Variants in SCARA5 observed in about 807,000 individuals in gnomAD.
SCARA5 encodes scavenger receptor class A, member 5 (putative).
In SCARA5, 45 loss-of-function variants were observed where a neutral mutation model predicts 46.3. The ratio of observed to expected loss-of-function variants is 0.97; its 90% CI spans 0.76 to 1.24. The LOEUF is 1.24. Among genes scored for constraint, SCARA5 ranks in the 50% most tolerant of loss-of-function variants. The probability of loss-of-function intolerance (pLI) is 0.00; values close to 1 mark genes in which losing one functional copy is unlikely to be tolerated. For synonymous variants in SCARA5, 333 were observed against 306.5 expected (o/e 1.09, Z -0.90); for missense variants, 680 against 689.0 (o/e 0.99, Z 0.15).
Position 27,923,862 on chromosome 8 carries a change from T to G in SCARA5, c.242-1617A>C, listed in dbSNP as rs150946617. On this transcript the variant is annotated intron_variant, in intron 3 of 8. Transcript: ENST00000354914. ...TGTTGGGATTACAGGTGTGAGCCACTGCACCCGGCCCTACTTCTTCTTCTA... is the reference window on the plus strand; with the variant it reads ...TGTTGGGATTACAGGTGTGAGCCACGGCACCCGGCCCTACTTCTTCTTCTA... 2.4e-3 allele frequency among the ~76,000 whole-genome samples: 362 copies of G among 152,332 alleles called. 2 individuals carry two copies. The highest frequency in any genetic ancestry group is 8.4e-3 in the African/African-American group (349 of 41,578).
intron 2 of SCARA5, among the ~76,000 whole-genome samples, chr8:27,974,649 A>C (rs2727006): frequency 1.3e-5 from 2 of 151,766 alleles, no homozygotes; most frequent in African/African-American, 4.8e-5. Context: ...CTGACTTCAC[A>C]ATGGTTACTC....
rs59619242 is a variant in SCARA5 at position 27,889,912 on chromosome 8, T to A, written c.1154-10146A>T. Reference sequence around the variant, plus strand: ...TGATTCTACTTCCCGTGCACAGATATGCAGCACTAAAAATGCATTATCTGT... The same window carrying A: ...TGATTCTACTTCCCGTGCACAGATAAGCAGCACTAAAAATGCATTATCTGT... On this transcript the variant is annotated intron_variant, in intron 7 of 8. Transcript: ENST00000354914. 5.5e-3 allele frequency among the ~76,000 whole-genome samples: 844 copies of A among 152,342 alleles called. 7 individuals carry two copies. The highest frequency in any genetic ancestry group is 0.018 in the African/African-American group (740 of 41,566).
chr8:27,917,882 A>C (rs1470552577), intron 4 of SCARA5, among the ~76,000 whole-genome samples: 2 of 152,262 alleles, frequency 1.3e-5, no homozygotes, highest in African/African-American at 2.4e-5. Context: ...GTTTGGAAGA[A>C]GAAATTCTAC....
rs115190248 is a variant in SCARA5 at position 27,946,892 on chromosome 8, A to G, written c.241+19522T>C. On this transcript the variant is annotated intron_variant, in intron 3 of 8. Coordinates refer to ENST00000354914, the MANE Select transcript of SCARA5 (RefSeq NM_173833.6). The stretch of plus-strand genomic sequence containing the variant: ...GTTTTAGCAAACTCGTTGAACTGAG[A>G]TCCTGCAGAATGACTGAATTCATGA... 7.2e-3 allele frequency among the ~76,000 whole-genome samples: 1,100 copies of G among 151,904 alleles called. 9 individuals are homozygous for G. Among genetic ancestry groups the G allele is most frequent in the African/African-American group, 0.025 (1,051 of 41,398 alleles).
chr8:27,872,605 C>T (rs888783127), intron 8 of SCARA5, among the ~76,000 whole-genome samples: 1 of 152,216 alleles, frequency 6.6e-6, no homozygotes, highest in Non-Finnish European at 1.5e-5. Flanking sequence ...GATGTTGTTT[C>T]TTCTCCAGAG....
At chr8:27,943,807 A>T (rs578051882) in intron 3 of SCARA5, among the ~76,000 whole-genome samples, 1 of 152,364 alleles carries the variant, frequency 6.6e-6, no homozygotes, top group South Asian at 2.1e-4. Context: ...TTGTAAGTGG[A>T]TGCTAAAATC....
chr8:27,913,157 T>C (rs1807404242), intron 4 of SCARA5, among the ~76,000 whole-genome samples: 1 of 152,156 alleles, frequency 6.6e-6, no homozygotes, highest in Non-Finnish European at 1.5e-5. Context: ...CTCAAGAACA[T>C]GCTACAGATG....
chr8:27,886,209 C>T (rs2129690099), intron 7 of SCARA5: 1 of 152,632 alleles, frequency 6.6e-6, no homozygotes, highest in South Asian at 2.1e-4. Context: ...CACCACCTGT[C>T]CCCAGATCCC....
chr8:27,957,613 G>A (rs1429084920), intron 3 of SCARA5, among the ~76,000 whole-genome samples: 6 of 152,304 alleles, frequency 3.9e-5, no homozygotes, highest in East Asian at 3.9e-4. Flanking sequence ...CAGGAGGCTC[G>A]GGTGGGAGAA....
intron 2 of SCARA5, among the ~76,000 whole-genome samples, chr8:27,973,045 A>G (rs1808470223): frequency 6.6e-6 from 1 of 152,232 alleles, no homozygotes; most frequent in African/African-American, 2.4e-5. Flanking sequence ...CCTGTCAGCC[A>G]GTGAACAGCA....
rs1806637491 is a variant in SCARA5 at position 27,871,618 on chromosome 8, G to C, written c.*316C>G. Reference sequence around the variant, plus strand: ...TTCACCTGTAACTAAAAGGCCAAAGGGAACTGGGATATTGAGGCCTGGTGC... The same window carrying C: ...TTCACCTGTAACTAAAAGGCCAAAGCGAACTGGGATATTGAGGCCTGGTGC... On this transcript the variant is annotated 3_prime_UTR_variant, in exon 9 of 9. Coordinates refer to ENST00000354914, the MANE Select transcript of SCARA5 (RefSeq NM_173833.6). 8.2e-7 allele frequency: 1 copy of C among 1,215,818 alleles called. No individual in the cohort carries two copies. The highest frequency in any genetic ancestry group is 1.0e-6 in the Non-Finnish European group (1 of 969,060). The allele number at this position is 1,215,818 out of a possible 1,614,324, so 75.3% of individuals were successfully genotyped here.
chr8:27,964,969 A>G (rs1256121213), intron 3 of SCARA5, among the ~76,000 whole-genome samples: 1 of 152,144 alleles, frequency 6.6e-6, no homozygotes, highest in Non-Finnish European at 1.5e-5. Context: ...CAAAACTCAG[A>G]TCCCAAGCTC....
intron 3 of SCARA5, among the ~76,000 whole-genome samples, chr8:27,960,134 G>A (rs570835118): frequency 6.6e-6 from 1 of 151,428 alleles, no homozygotes; most frequent in Admixed American, 6.6e-5. Flanking sequence ...AAAGCAAACT[G>A]TCTCTGATTG....
At chr8:27,976,016 T>C (rs1308892174) in intron 2 of SCARA5, among the ~76,000 whole-genome samples, 1 of 152,164 alleles carries the variant, frequency 6.6e-6, no homozygotes, top group Non-Finnish European at 1.5e-5. Flanking sequence ...TCCACCCCCA[T>C]CCATGTCCCA....
At chr8:27,960,611 G>C (rs1258033557) in intron 3 of SCARA5, among the ~76,000 whole-genome samples, 1 of 152,206 alleles carries the variant, frequency 6.6e-6, no homozygotes, top group East Asian at 1.9e-4. Flanking sequence ...GTCCCTTGGA[G>C]GTTAAATTAT....
chr8:27,921,810 A>T lies in SCARA5; in HGVS notation c.677T>A (p.Val226Glu). Reference protein sequence around the residue: ...LGEELADVGGVLRGLNHSLSY... With the variant: ...LGEELADVGGELRGLNHSLSY... ...CAGGCTGTGGTTGAGGCCGCGCAGC[A>T]CGCCGCCCACGTCGGCCAGCTCCTC... is the stretch of plus-strand genomic sequence containing the variant. Residue 226 changes from valine (V) to glutamate (E), a missense_variant, in exon 4 of 9, where the codon GTG (valine) becomes GAG (glutamate). Val to Glu is a moderately radical substitution (Grantham distance 121). This residue lies in a region of SCARA5 where 438 missense variants were observed against 384.5 expected (regional missense o/e 1.14). Transcript: ENST00000354914. The T allele has an allele frequency of 1.9e-6, 3 of 1,553,498 alleles. No homozygotes were observed. The highest frequency in any genetic ancestry group is 1.7e-6 in the Non-Finnish European group (2 of 1,155,080).
At chr8:27,916,343 A>G (rs1246796356) in intron 4 of SCARA5, among the ~76,000 whole-genome samples, 1 of 152,202 alleles carries the variant, frequency 6.6e-6, no homozygotes, top group African/African-American at 2.4e-5. Flanking sequence ...ATGTGTTCAT[A>G]TGTATGTATA....
intron 2 of SCARA5, among the ~76,000 whole-genome samples, chr8:27,980,748 C>A (rs1808602160): frequency 6.6e-6 from 1 of 152,218 alleles, no homozygotes; most frequent in Non-Finnish European, 1.5e-5. Context: ...GGGACAGACA[C>A]ACATACGCCA....
intron 3 of SCARA5, among the ~76,000 whole-genome samples, chr8:27,949,670 C>T (rs1165985425): frequency 6.6e-6 from 1 of 152,200 alleles, no homozygotes; most frequent in Non-Finnish European, 1.5e-5. Context: ...CCTTCCACCC[C>T]AACCGCATCC....
Sources: gnomAD v4.1 joint callset for allele counts (sites outside exome capture counted in the v4.1 genomes callset) on GRCh38, gnomAD v4.1.1 for gene constraint, gnomAD v4.1.1 regional missense constraint, MANE v1.5 for transcripts, NCBI Gene and HGNC (gene_info 2026-07-23, HGNC 2026-07-21) for gene names.